The following IGF2R variants were observed in gnomAD, a reference collection of about 807,000 sequenced individuals.
IGF2R encodes the protein cation-independent mannose-6-phosphate receptor.
IGF2R carries 91 observed loss-of-function variants against 270.6 expected under a neutral mutation model. The ratio of observed to expected loss-of-function variants is 0.34; its 90% CI spans 0.28 to 0.40. The LOEUF (loss-of-function observed/expected upper bound fraction) is 0.40, where lower values mean the gene tolerates loss of function less well. IGF2R is among the 10% of genes least tolerant of loss of function. IGF2R has a pLI of 1.00. For synonymous variants in IGF2R, 1,316 were observed against 1,258.9 expected (o/e 1.05, Z -0.96); for missense variants, 2,805 against 3,188.3 (o/e 0.88, Z 2.90).
At chr6:160,075,033 C>T (rs564658593) in intron 35 of IGF2R, among the ~76,000 whole-genome samples, 5 of 152,272 alleles carry the variant, frequency 3.3e-5, no homozygotes, top group African/African-American at 7.2e-5. Flanking sequence ...GTGGTCTGAA[C>T]GTGCCCCACA....
chr6:160,018,817 C>G (rs2115216232), intron 4 of IGF2R, among the ~76,000 whole-genome samples: 1 of 152,016 alleles, frequency 6.6e-6, no homozygotes, highest in East Asian at 1.9e-4. Context: ...ACAGCAAAAG[C>G]AGGGCTAAGT....
At chr6:160,032,882 A>C in intron 8 of IGF2R, 60 bp from the exon 9 acceptor site, 1 of 1,430,664 alleles carries the variant, frequency 7.0e-7, no homozygotes, top group Non-Finnish European at 9.6e-7. Context: ...GTAAGACTGT[A>C]ATCTTCTAAT....
At chr6:159,972,216 A>G (rs886074452) in intron 1 of IGF2R, among the ~76,000 whole-genome samples, 1 of 152,152 alleles carries the variant, frequency 6.6e-6, no homozygotes, top group African/African-American at 2.4e-5. Context: ...GCTGAAATGT[A>G]AATAACTCGG....
chr6:160,047,081 G>A, intron 15 of IGF2R, 78 bp from the exon 16 acceptor site: 1 of 1,387,052 alleles, frequency 7.2e-7, no homozygotes, highest in Non-Finnish European at 1.0e-6. Flanking sequence ...TCGCTCACGG[G>A]CCCTCCCTTC....
rs1185688501 is a variant in IGF2R at position 160,063,429 on chromosome 6, G to A, written c.3685G>A (p.Val1229Met). Reference sequence around the variant, plus strand: ...TGTTCTTGAAGGGGACAACTGTGAGGTGAAAGACCCAAGGCATGGCAACTT... The same window carrying A: ...TGTTCTTGAAGGGGACAACTGTGAGATGAAAGACCCAAGGCATGGCAACTT... ...VVRVEGDNCE[V>M]KDPRHGNLYD... is the part of the protein sequence containing the mutation. Residue 1229 changes from valine (V) to methionine (M), a missense_variant, in exon 27 of 48, where the codon GTG (valine) becomes ATG (methionine). Transcript: ENST00000356956. 1.2e-6 allele frequency: 2 copies of A among 1,612,182 alleles called. No homozygotes were observed. The highest frequency in any genetic ancestry group is 1.7e-6 in the Non-Finnish European group (2 of 1,179,890).
chr6:160,001,130 C>G (rs1460252255), intron 2 of IGF2R, among the ~76,000 whole-genome samples: 1 of 152,144 alleles, frequency 6.6e-6, no homozygotes, highest in African/African-American at 2.4e-5. Context: ...CTGGGCTGCA[C>G]AGCAGGAGGT....
At position 159,975,684 on chromosome 6, in the gene IGF2R, T is replaced by TTTTATATA. The variant is rs372803317; in HGVS notation, c.149+6290_149+6291insTTATATAT. Among the ~76,000 whole-genome samples the TTTTATATA allele has an allele frequency of 3.9e-3, 558 of 141,726 alleles. 4 individuals are homozygous for TTTTATATA. The highest frequency in any genetic ancestry group is 0.014 in the African/African-American group (536 of 37,998). 93.0% of individuals were successfully genotyped at this position (141,726 alleles called of 152,430 possible). On this transcript the variant is annotated intron_variant, in intron 1 of 47. Coordinates refer to ENST00000356956, the MANE Select transcript of IGF2R (RefSeq NM_000876.4). ...AAACCCATACATGTATTATATATATTTATATATATATATATATAAAGTATA... is the reference window on the plus strand; with the variant it reads ...AAACCCATACATGTATTATATATATTTTTATATATATATATATATATATATAAAGTATA...
chr6:159,986,428 GTGTTT>G lies in IGF2R; in HGVS notation c.150-4754_150-4750del, dbSNP rs1377190729. On this transcript the variant is annotated intron_variant, in intron 1 of 47. Coordinates refer to ENST00000356956, the MANE Select transcript of IGF2R (RefSeq NM_000876.4). ...TGTGTGTGTGTGTGTGTGTGTGTGT[GTGTTT>G]TTTTTTTTTTTTTAAGTAGATTCAG... 1.5e-4 allele frequency among the ~76,000 whole-genome samples: 17 copies of G among 116,362 alleles called. No homozygotes were observed. The East Asian group carries it at 4.7e-3, about 32-fold the overall frequency. 76.3% of individuals were successfully genotyped at this position (116,362 alleles called of 152,430 possible).
intron 11 of IGF2R, among the ~76,000 whole-genome samples, chr6:160,042,464 T>C (rs532997007): frequency 6.6e-6 from 1 of 152,362 alleles, no homozygotes; most frequent in East Asian, 1.9e-4. Flanking sequence ...AAGTTACTCC[T>C]TCAGCGACTG....
At chr6:160,073,703 TG>T in intron 34 of IGF2R, 53 bp from the exon 35 acceptor site, 1 of 1,442,880 alleles carries the variant, frequency 6.9e-7, no homozygotes, top group Non-Finnish European at 9.7e-7. Flanking sequence ...GATGACCTAG[TG>T]GTGATTAGGA....
chr6:159,979,786 G>A (rs1783751174), intron 1 of IGF2R, among the ~76,000 whole-genome samples: 3 of 152,180 alleles, frequency 2.0e-5, no homozygotes, highest in Admixed American at 2.0e-4. Flanking sequence ...AATGGAGGGA[G>A]GGGCCAGAGA....
Position 160,050,711 on chromosome 6 carries a change from C to T in IGF2R, c.2694+59C>T, listed in dbSNP as rs930476977. The T allele has an allele frequency of 5.8e-5, 84 of 1,460,262 alleles. No individual in the cohort carries two copies. In the African/African-American group the frequency reaches 9.5e-4, roughly 16 times the overall value. The allele number at this position is 1,460,262 out of a possible 1,614,324, so 90.5% of individuals were successfully genotyped here. A position where few individuals can be genotyped will look rare whatever the true frequency, so the allele number is the denominator to read the frequency against. On this transcript the variant is annotated intron_variant, in intron 19 of 47. Coordinates refer to ENST00000356956, the MANE Select transcript of IGF2R (RefSeq NM_000876.4). The surrounding 1 kb of genome is among the most constrained non-coding windows in gnomAD (Gnocchi z 4.0). ...GCTGCATTTTTTGACTGAGCGTTGC[C>T]TTATGTGTCTCTTAACAGCAGCAGT...
At chr6:160,053,824 A>G (rs981349921) in intron 19 of IGF2R, among the ~76,000 whole-genome samples, 1 of 152,094 alleles carries the variant, frequency 6.6e-6, no homozygotes, top group African/African-American at 2.4e-5. Flanking sequence ...TGACCCTGTC[A>G]CCTCAGCCTC....
intron 42 of IGF2R, 50 bp from the exon 43 acceptor site, chr6:160,089,057 C>G: frequency 1.9e-6 from 3 of 1,587,110 alleles, no homozygotes; most frequent in Non-Finnish European, 2.6e-6. Flanking sequence ...GCAGTCTTCC[C>G]TTATGTCTGG....
chr6:160,080,197 A>G lies in IGF2R; in HGVS notation c.5755A>G (p.Ile1919Val). ...FNGKSYEECIIESRAKLWCST... is the reference protein window; with the variant it reads ...FNGKSYEECIVESRAKLWCST... ...TGGGAAGAGCTACGAGGAGTGCATC[A>G]TAGAGAGCAGGGCGAAGCTGTGGTG... The change falls in exon 39 of 48, where the codon ATA becomes GTA. Residue 1919 changes from isoleucine (I) to valine (V), a missense_variant. Physicochemically the swap from Ile to Val is conservative, Grantham distance 29. Coordinates refer to ENST00000356956, the MANE Select transcript of IGF2R (RefSeq NM_000876.4). 1 of 1,614,222 alleles carries G rather than the reference A, an allele frequency of 6.2e-7. No homozygotes were observed. Among genetic ancestry groups the G allele is most frequent in the Non-Finnish European group, 8.5e-7 (1 of 1,180,034 alleles).
At chr6:160,090,351 C>A (rs1489099813) in intron 44 of IGF2R, 2 of 286,040 alleles carry the variant, frequency 7.0e-6, no homozygotes, top group Non-Finnish European at 1.3e-5. Context: ...AAAACCTGGT[C>A]TGATCCAGTG....
chr6:160,015,158 A>T (rs1777256056), intron 4 of IGF2R, among the ~76,000 whole-genome samples: 1 of 152,224 alleles, frequency 6.6e-6, no homozygotes, highest in Non-Finnish European at 1.5e-5. Flanking sequence ...TTGAAAGCTA[A>T]ATATTAAGCA....
At chr6:159,969,672 T>A (rs959610373) in intron 1 of IGF2R, among the ~76,000 whole-genome samples, 2 of 152,030 alleles carry the variant, frequency 1.3e-5, no homozygotes, top group Non-Finnish European at 2.9e-5. Context: ...GGGGGTGGCT[T>A]TGTGCGGAGC....
intron 1 of IGF2R, among the ~76,000 whole-genome samples, chr6:159,974,554 T>C (rs1783660033): frequency 6.6e-6 from 1 of 152,216 alleles, no homozygotes; most frequent in Admixed American, 6.5e-5. Context: ...ACTATAACTT[T>C]TTATGGTTTG....
Sources: allele counts gnomAD v4.1 joint callset (sites outside exome capture counted in the v4.1 genomes callset), GRCh38; gene constraint gnomAD v4.1.1; non-coding constraint Gnocchi (gnomAD v3.1); transcripts MANE v1.5; gene names NCBI Gene and HGNC (gene_info 2026-07-23, HGNC 2026-07-21).